TENM4: variants seen among roughly 807,000 people sequenced by gnomAD.
TENM4 encodes teneurin-4.
Under a neutral mutation model 243.3 loss-of-function variants are expected in TENM4, and 82 were observed. That is an observed-to-expected ratio of 0.34 (90% CI 0.28 to 0.40). The LOEUF is 0.40. TENM4 is among the 10% of genes least tolerant of loss of function. TENM4 has a pLI of 1.00. For synonymous variants in TENM4, 1,412 were observed against 1,456.3 expected (o/e 0.97, Z 0.69); for missense variants, 3,138 against 3,673.3 (o/e 0.85, Z 3.77).
intron 6 of TENM4, among the ~76,000 whole-genome samples, chr11:78,907,615 C>G (rs1007355949): frequency 2.0e-5 from 3 of 152,196 alleles, no homozygotes; most frequent in Middle Eastern, 3.2e-3. Context: ...CCATCAACTC[C>G]TACTAAGCCC....
chr11:78,902,868 G>T (rs1373765408), intron 7 of TENM4, among the ~76,000 whole-genome samples: 2 of 151,866 alleles, frequency 1.3e-5, no homozygotes, highest in African/African-American at 4.8e-5. Flanking sequence ...AAAGATGAGG[G>T]CCCGAGCCAA....
chr11:79,088,645 A>G (rs186196085), intron 4 of TENM4, among the ~76,000 whole-genome samples: 15 of 152,324 alleles, frequency 9.8e-5, no homozygotes, highest in African/African-American at 3.4e-4. Context: ...TATTATGACT[A>G]CTATTGCTAA....
intron 6 of TENM4, among the ~76,000 whole-genome samples, chr11:78,993,409 G>A (rs1325979094): frequency 1.3e-5 from 2 of 151,950 alleles, no homozygotes; most frequent in African/African-American, 4.8e-5. Flanking sequence ...GGATTTGTGG[G>A]CTTAATTTAC....
chr11:79,011,827 G>A (rs1013760688), intron 6 of TENM4, among the ~76,000 whole-genome samples: 3 of 152,164 alleles, frequency 2.0e-5, no homozygotes, highest in African/African-American at 7.2e-5. Flanking sequence ...TTCCTCATTA[G>A]GGGAGCCTGC....
At chr11:79,378,487 C>T (rs1261785204) in intron 1 of TENM4, among the ~76,000 whole-genome samples, 1 of 152,226 alleles carries the variant, frequency 6.6e-6, no homozygotes, top group Admixed American at 6.5e-5. Flanking sequence ...GGTCTTTCTT[C>T]TGGAATCCCG....
rs767570583 is a variant in TENM4 at position 78,669,857 on chromosome 11, A to G, written c.6488T>C (p.Met2163Thr). ...ATCATACTGGACGGTCATCCAGTAC[A>G]TGAGCGAGCGGAAGATCTCATACTG... ...EVQYEIFRSLMYWMTVQYDNM... is the reference protein window; with the variant it reads ...EVQYEIFRSLTYWMTVQYDNM... The change falls in exon 32 of 34, where the codon ATG (methionine) becomes ACG (threonine). Residue 2163 changes from methionine to threonine, a missense_variant. By Grantham distance (81) the Met-to-Thr change is moderately conservative. This residue lies in a region of TENM4 where 2,467 missense variants were observed against 3,059.1 expected (regional missense o/e 0.81). Transcript: ENST00000278550. This position sits in a 1 kb window ranked among gnomAD's most constrained non-coding sequence, Gnocchi z 6.4. 8.1e-6 allele frequency: 13 copies of G among 1,613,798 alleles called. No individual in the cohort carries two copies. Among genetic ancestry groups the G allele is most frequent in the African/African-American group, 1.3e-5 (1 of 75,038 alleles).
chr11:78,737,461 A>G (rs1484030933), intron 20 of TENM4, among the ~76,000 whole-genome samples: 1 of 152,228 alleles, frequency 6.6e-6, no homozygotes, highest in East Asian at 1.9e-4. Flanking sequence ...CTACTTCATT[A>G]TCACCTCGGC....
At chr11:79,082,873 T>A (rs931383207) in intron 4 of TENM4, among the ~76,000 whole-genome samples, 2 of 152,056 alleles carry the variant, frequency 1.3e-5, no homozygotes, top group Admixed American at 1.3e-4. Flanking sequence ...GCTGCCTCCA[T>A]CTCTAATAAT....
chr11:78,780,469 T>C (rs965719385), intron 16 of TENM4, among the ~76,000 whole-genome samples: 1 of 152,206 alleles, frequency 6.6e-6, no homozygotes, highest in African/African-American at 2.4e-5. Flanking sequence ...AATCCAGTTA[T>C]AGAAGAGGTG....
At chr11:78,785,490 A>C (rs1481507651) in intron 16 of TENM4, among the ~76,000 whole-genome samples, 1 of 152,138 alleles carries the variant, frequency 6.6e-6, no homozygotes, top group Admixed American at 6.5e-5. Flanking sequence ...GTAAGGAAAA[A>C]TCGAGTGTCA....
At chr11:79,355,295 G>A (rs1857477279) in intron 1 of TENM4, among the ~76,000 whole-genome samples, 1 of 152,186 alleles carries the variant, frequency 6.6e-6, no homozygotes, top group Admixed American at 6.5e-5. Context: ...CACTTTGGGA[G>A]GCCGAGGCAG....
intron 19 of TENM4, among the ~76,000 whole-genome samples, chr11:78,750,289 C>T (rs1856151896): frequency 6.6e-6 from 1 of 152,178 alleles, no homozygotes; most frequent in Non-Finnish European, 1.5e-5. Flanking sequence ...CTACTCCATT[C>T]CAGTTAAATT....
intron 9 of TENM4, among the ~76,000 whole-genome samples, chr11:78,875,554 A>G (rs1001607331): frequency 1.3e-5 from 2 of 152,144 alleles, no homozygotes; most frequent in African/African-American, 4.8e-5. Context: ...GTAGTTCAGA[A>G]GGGTGAAAAC....
At chr11:79,140,671 A>G (rs1398465158) in intron 4 of TENM4, among the ~76,000 whole-genome samples, 2 of 152,118 alleles carry the variant, frequency 1.3e-5, no homozygotes, top group Non-Finnish European at 2.9e-5. Context: ...ATGGACTCAC[A>G]TTTTTGTAAT....
rs1270791194 is a variant in TENM4 at position 78,722,932 on chromosome 11, G to C, written c.3551-15C>G. The C allele has an allele frequency of 1.2e-6, 2 of 1,608,970 alleles. No homozygotes were observed. The highest frequency in any genetic ancestry group is 1.7e-5 in the Admixed American group (1 of 59,970). ...GTGCAGGATGCCTGGGACAAGGAAA[G>C]AACAGAATTGCCTGTGGAGCAGGAA... On this transcript the variant is annotated splice_polypyrimidine_tract_variant and intron_variant, in intron 23 of 33. Transcript: ENST00000278550.
chr11:78,993,055 C>T (rs559195623), intron 6 of TENM4, among the ~76,000 whole-genome samples: 103 of 152,184 alleles, frequency 6.8e-4, no homozygotes, highest in African/African-American at 2.5e-3. Flanking sequence ...CTTAATTCAC[C>T]CATTTAATTG....
intron 3 of TENM4, among the ~76,000 whole-genome samples, chr11:79,177,057 C>A (rs1284250571): frequency 6.6e-6 from 1 of 152,164 alleles, no homozygotes; most frequent in Non-Finnish European, 1.5e-5. Context: ...GCAGACATGA[C>A]CGTGCCACTT....
intron 12 of TENM4, among the ~76,000 whole-genome samples, chr11:78,828,861 T>G (rs1857915303): frequency 6.6e-6 from 1 of 152,254 alleles, no homozygotes; most frequent in Non-Finnish European, 1.5e-5. Flanking sequence ...GCAGCAGGAC[T>G]TTAAGCCACC....
At position 78,656,870 on chromosome 11, in the gene TENM4, T is replaced by C. The variant is rs577284532; in HGVS notation, c.*1188A>G. Reference sequence around the variant, plus strand: ...TGGTACATGGAGGCAGATGGGACTTTGGGAACTGGTTAGAAGGATGCTTAG... The same window carrying C: ...TGGTACATGGAGGCAGATGGGACTTCGGGAACTGGTTAGAAGGATGCTTAG... On this transcript the variant is annotated 3_prime_UTR_variant, in exon 34 of 34. Transcript: ENST00000278550. 2.5e-6 allele frequency: 1 copy of C among 396,672 alleles called. No individual in the cohort carries two copies. The highest frequency in any genetic ancestry group is 2.1e-5 in the African/African-American group (1 of 48,736). 24.6% of individuals were successfully genotyped at this position (396,672 alleles called of 1,614,324 possible). A position where few individuals can be genotyped will look rare whatever the true frequency, so the allele number is the denominator to read the frequency against.
Sources: gnomAD v4.1 joint callset for allele counts (sites outside exome capture counted in the v4.1 genomes callset) on GRCh38, gnomAD v4.1.1 for gene constraint, gnomAD v4.1.1 regional missense constraint, Gnocchi (gnomAD v3.1) non-coding constraint, MANE v1.5 for transcripts, NCBI Gene and HGNC (gene_info 2026-07-23, HGNC 2026-07-21) for gene names.